Variants in DPP6 observed in about 807,000 individuals in gnomAD.
DPP6 encodes the protein A-type potassium channel modulatory protein DPP6.
In DPP6, 69 loss-of-function variants were observed where a neutral mutation model predicts 122.6. The ratio of observed to expected loss-of-function variants is 0.56; its 90% CI spans 0.46 to 0.69. DPP6 has a LOEUF of 0.69. Among genes scored for constraint, DPP6 ranks in the 30% least tolerant of loss-of-function variants. The probability of loss-of-function intolerance (pLI) is 0.00; values close to 1 mark genes in which losing one functional copy is unlikely to be tolerated. For synonymous variants in DPP6, 418 were observed against 433.1 expected, an observed-to-expected ratio of 0.97 and a Z score of 0.43; for missense variants, 928 against 1,116.9, an observed-to-expected ratio of 0.83 and a Z score of 2.41.
chr7:154,283,420 A>G (rs1804655175), intron 1 of DPP6, among the ~76,000 whole-genome samples: 1 of 151,954 alleles, frequency 6.6e-6, no homozygotes. Context: ...TGCCTAGAAC[A>G]CGGTACTTGT....
At chr7:154,261,932 C>A (rs1050110035) in intron 1 of DPP6, among the ~76,000 whole-genome samples, 1 of 151,228 alleles carries the variant, frequency 6.6e-6, no homozygotes, top group Admixed American at 6.6e-5. Flanking sequence ...ACTGGAAACA[C>A]AAAGAGGAGG....
chr7:154,049,867 G>A (rs1348546134), upstream of DPP6, among the ~76,000 whole-genome samples: 7 of 151,786 alleles, frequency 4.6e-5, no homozygotes, highest in Non-Finnish European at 1.0e-4. Context: ...TTACAGGCGT[G>A]AGCCACCGCG....
At chr7:154,433,983 C>G (rs943468313) in intron 1 of DPP6, among the ~76,000 whole-genome samples, 31 of 152,324 alleles carry the variant, frequency 2.0e-4, no homozygotes, top group African/African-American at 7.0e-4. Flanking sequence ...AGGTCTCAGT[C>G]TATCTTAAAC....
intron 4 of DPP6, among the ~76,000 whole-genome samples, chr7:154,550,111 C>A (rs1393663013): frequency 6.6e-6 from 1 of 152,034 alleles, no homozygotes; most frequent in East Asian, 1.9e-4. Flanking sequence ...AAAAGTTTAT[C>A]CCATTTATAT....
chr7:154,241,589 A>G lies in DPP6; in HGVS notation c.243+188526A>G, dbSNP rs186780137. Among the ~76,000 whole-genome samples, 173 of 152,182 alleles carry G rather than the reference A, an allele frequency of 1.1e-3. No homozygotes were observed. Among genetic ancestry groups the G allele is most frequent in the Admixed American group, 2.3e-3 (35 of 15,274 alleles). On this transcript the variant is annotated intron_variant, in intron 1 of 25. Transcript: ENST00000377770. The surrounding 1 kb of genome is among the most constrained non-coding windows in gnomAD (Gnocchi z 9.0). ...CAAAACAAAAAAAAGATCCAATTCC[A>G]TCCCCATCTACTCCAAAATGCCTCC...
chr7:154,175,604 C>T (rs935463242), intron 1 of DPP6, among the ~76,000 whole-genome samples: 4 of 152,124 alleles, frequency 2.6e-5, no homozygotes, highest in African/African-American at 9.7e-5. Context: ...TGGGTGTTGC[C>T]TTAAGATGCT....
intron 10 of DPP6, among the ~76,000 whole-genome samples, chr7:154,777,840 ACTC>A (rs1450348521): frequency 2.0e-5 from 3 of 151,890 alleles, no homozygotes; most frequent in East Asian, 3.9e-4. Context: ...GTGGGGGCTC[ACTC>A]CTCCACCACC....
chr7:153,865,745 G>A, the DPP6 span, among the ~76,000 whole-genome samples: 1 of 152,070 alleles, frequency 6.6e-6, no homozygotes, highest in Non-Finnish European at 1.5e-5. Flanking sequence ...TTTGTGTGCT[G>A]CAACCATTAA....
chr7:154,214,795 A>G (rs551866868), intron 1 of DPP6, among the ~76,000 whole-genome samples: 15 of 152,196 alleles, frequency 9.9e-5, no homozygotes, highest in East Asian at 3.9e-4. Flanking sequence ...GTGTGTGCCT[A>G]TAGTCCTAGC....
At chr7:154,118,607 G>T (rs1333214194) in intron 1 of DPP6, among the ~76,000 whole-genome samples, 1 of 150,906 alleles carries the variant, frequency 6.6e-6, no homozygotes, top group Non-Finnish European at 1.5e-5. Context: ...TTATGTCCGT[G>T]GTAACCAGGG....
At chr7:154,050,892 A>G (rs1298517526), upstream of DPP6, among the ~76,000 whole-genome samples, 1 of 147,842 alleles carries the variant, frequency 6.8e-6, no homozygotes, top group Admixed American at 6.8e-5. Flanking sequence ...GGTTAAACCA[A>G]AAACTACACA....
rs1350666619 is a variant in DPP6, at chr7:154,483,691, CGTTTT to C, written c.457+8661_457+8665del. Among the ~76,000 whole-genome samples the C allele has an allele frequency of 2.0e-5, 3 of 152,134 alleles. No individual in the cohort carries two copies. The highest frequency in any genetic ancestry group is 7.2e-5 in the African/African-American group (3 of 41,434). On this transcript the variant is annotated intron_variant, in intron 3 of 25. Transcript: ENST00000377770. This position sits in a 1 kb window ranked among gnomAD's most constrained non-coding sequence, Gnocchi z 8.1. ...AAAAGCCCAGGTGAAGTTTTTGTTTCGTTTTGTTTTGCTTTGCTTTTGAGACGGAG... is the reference window on the plus strand; with the variant it reads ...AAAAGCCCAGGTGAAGTTTTTGTTTCGTTTTGCTTTGCTTTTGAGACGGAG...
At chr7:154,311,382 G>T (rs954913537) in intron 1 of DPP6, among the ~76,000 whole-genome samples, 4 of 151,958 alleles carry the variant, frequency 2.6e-5, no homozygotes, top group African/African-American at 9.7e-5. Flanking sequence ...TGTTGTCCCA[G>T]TTACTCAGGA....
intron 1 of DPP6, among the ~76,000 whole-genome samples, chr7:154,100,257 C>G (rs1382813215): frequency 1.0e-5 from 1 of 99,454 alleles, no homozygotes; most frequent in Admixed American, 1.1e-4. Context: ...ACTGAAAGTC[C>G]CTTAGAACAT....
rs1249083848 is a variant in DPP6, at chr7:154,645,986, CCACTGCA to C, written c.680+8115_680+8121del. Among the ~76,000 whole-genome samples the C allele has an allele frequency of 2.9e-5, 4 of 136,032 alleles. No individual in the cohort carries two copies. In the East Asian group the frequency reaches 9.4e-4, roughly 32 times the overall value. The allele number at this position is 136,032 out of a possible 152,430, so 89.2% of individuals were successfully genotyped here. ...GAGCTTGCAGTGAGCCGAGACTGTG[CCACTGCA>C]CTCCAGCTCGGGCGGCAGAGTGAGA... On this transcript the variant is annotated intron_variant, in intron 6 of 25. Transcript: ENST00000377770.
rs1372234771 is a variant in DPP6, at chr7:153,971,574, ATTTGGCAGATATCT to A, written c.51+83849_51+83862del. Among the ~76,000 whole-genome samples the A allele has an allele frequency of 6.4e-4, 84 of 131,464 alleles. 1 individual carries two copies. The highest frequency in any genetic ancestry group is 8.6e-4 in the Non-Finnish European group (51 of 59,518). The allele number at this position is 131,464 out of a possible 152,430, so 86.2% of individuals were successfully genotyped here. On this transcript the variant is annotated intron_variant, in intron 1 of 25. Coordinates refer to the DPP6 transcript ENST00000404039. ...TACTTGTCAGTTTCTCATAGATATCATTTGGCAGATATCTTTTGGCAGGTTATGAGAGTTCCTGG... is the reference window on the plus strand; with the variant it reads ...TACTTGTCAGTTTCTCATAGATATCATTTGGCAGGTTATGAGAGTTCCTGG...
At chr7:154,437,205 A>G (rs1586268127) in intron 1 of DPP6, among the ~76,000 whole-genome samples, 1 of 152,322 alleles carries the variant, frequency 6.6e-6, no homozygotes, top group South Asian at 2.1e-4. Flanking sequence ...CTCTGATGCT[A>G]TTTGTTTTTC....
rs529916600 is a variant in DPP6 at position 154,853,681 on chromosome 7, G to A, written c.1667-99G>A. On this transcript the variant is annotated intron_variant, in intron 16 of 25. Transcript: ENST00000377770. ...AATTCGGGTTCTCCAGGCTCCGCACGTCTATCTACGTGGCATAAGAAAAGC... is the reference window on the plus strand; with the variant it reads ...AATTCGGGTTCTCCAGGCTCCGCACATCTATCTACGTGGCATAAGAAAAGC... 9.6e-5 allele frequency: 146 copies of A among 1,514,668 alleles called. No homozygotes were observed. The Middle Eastern group carries it at 1.1e-3, about 11-fold the overall frequency. 93.8% of individuals were successfully genotyped at this position (1,514,668 alleles called of 1,614,324 possible).
the DPP6 span, among the ~76,000 whole-genome samples, chr7:153,787,330 T>C: frequency 2.0e-5 from 3 of 148,734 alleles, no homozygotes; most frequent in African/African-American, 2.5e-5. Flanking sequence ...CAGATATTTA[T>C]CATAATAAGA....
Sources: gnomAD v4.1 joint callset for allele counts (sites outside exome capture counted in the v4.1 genomes callset) on GRCh38, gnomAD v4.1.1 for gene constraint, Gnocchi (gnomAD v3.1) non-coding constraint, MANE v1.5 for transcripts, NCBI Gene and HGNC (gene_info 2026-07-23, HGNC 2026-07-21) for gene names.